TNS1: variants seen among roughly 807,000 people sequenced by gnomAD.
The protein encoded by TNS1 is tensin-1.
A neutral mutation model predicts 168.6 loss-of-function variants in TNS1; 62 were observed. The ratio of observed to expected loss-of-function variants is 0.37; its 90% CI spans 0.30 to 0.45. The LOEUF (loss-of-function observed/expected upper bound fraction) is 0.45. Ranked by LOEUF, TNS1 falls within the 20% of genes least tolerant of loss-of-function variation. The probability of loss-of-function intolerance (pLI) is 1.00; values close to 1 mark genes in which losing one functional copy is unlikely to be tolerated. For missense variants in TNS1, 2,240 were observed against 2,339.4 expected (o/e 0.96, Z 0.88); for synonymous variants, 934 against 933.2 (o/e 1.00, Z -0.02).
chr2:217,921,048 G>A (rs916556113), intron 3 of TNS1, among the ~76,000 whole-genome samples: 1 of 151,872 alleles, frequency 6.6e-6, no homozygotes, highest in African/African-American at 2.4e-5. Flanking sequence ...AGAGTAGAGG[G>A]GAGGGAGGGA....
chr2:218,012,653 C>G (rs535660369), upstream of TNS1, among the ~76,000 whole-genome samples: 1 of 152,234 alleles, frequency 6.6e-6, no homozygotes, highest in African/African-American at 2.4e-5. Context: ...CCCCCCATAC[C>G]CCATATAGCT....
At chr2:217,966,003 T>G (rs1466302444) in intron 3 of TNS1, among the ~76,000 whole-genome samples, 5 of 151,964 alleles carry the variant, frequency 3.3e-5, no homozygotes, top group South Asian at 4.2e-4. Context: ...CCCCAGGACT[T>G]TCCTCTCCTC....
In TNS1 at chr2:217,817,149, T is replaced by C. The variant is rs556874232; in HGVS notation, c.4642+541A>G. Among the ~76,000 whole-genome samples the C allele has an allele frequency of 1.1e-3, 164 of 152,220 alleles. 1 individual carries two copies. Among genetic ancestry groups the C allele is most frequent in the African/African-American group, 3.8e-3 (158 of 41,530 alleles). ...GTCATGCTAAATATGACCCCCAAGA[T>C]ATGGACACATGATAAAGACAACTCC... is the stretch of plus-strand genomic sequence containing the variant. On this transcript the variant is annotated intron_variant, in intron 24 of 32. Transcript: ENST00000682258.
intron 3 of TNS1, among the ~76,000 whole-genome samples, chr2:217,965,042 T>A (rs1168285505): frequency 1.3e-5 from 2 of 152,092 alleles, no homozygotes; most frequent in Admixed American, 1.3e-4. Flanking sequence ...GGGAGGGGAA[T>A]ACACAGGGCC....
In TNS1 at chr2:217,948,027, T is replaced by C. The variant is rs1297403283; in HGVS notation, c.187-27791A>G. ...GCTAATGAAAGAGATAGAATTTCAA[T>C]GCAGCTCTTCCAACTCAAGCCCATG... On this transcript the variant is annotated intron_variant, in intron 3 of 32. Transcript: ENST00000682258. This position sits in a 1 kb window ranked among gnomAD's most constrained non-coding sequence, Gnocchi z 4.1. 6.6e-6 allele frequency among the ~76,000 whole-genome samples: 1 copy of C among 152,150 alleles called. No homozygotes were observed. The highest frequency in any genetic ancestry group is 1.5e-5 in the Non-Finnish European group (1 of 68,022).
intron 3 of TNS1, among the ~76,000 whole-genome samples, chr2:217,961,258 C>CAGAGAA (rs746086984): frequency 7.2e-6 from 1 of 139,822 alleles, no homozygotes. Context: ...CACACACACA[C>CAGAGAA]ACAGAGAGAG....
At chr2:217,910,449 T>G (rs778386398) in intron 4 of TNS1, among the ~76,000 whole-genome samples, 33 of 151,778 alleles carry the variant, frequency 2.2e-4, no homozygotes, top group Non-Finnish European at 1.6e-4. Flanking sequence ...AGGATTCAAG[T>G]CCTATCTCTC....
intron 3 of TNS1, among the ~76,000 whole-genome samples, chr2:217,949,108 T>C (rs754285314): frequency 2.0e-5 from 3 of 152,162 alleles, no homozygotes; most frequent in Non-Finnish European, 4.4e-5. Context: ...AGCCTCAGAC[T>C]AGGAGTCAAG....
At chr2:217,828,527 G>C (rs1177572661) in intron 22 of TNS1, among the ~76,000 whole-genome samples, 1 of 152,202 alleles carries the variant, frequency 6.6e-6, no homozygotes, top group East Asian at 1.9e-4. Flanking sequence ...TCTTCCTGAG[G>C]GGGGGATGCC....
rs560789734 is a variant in TNS1, at chr2:217,923,456, C to T, written c.187-3220G>A. Among the ~76,000 whole-genome samples, 6 of 152,346 alleles carry T rather than the reference C, an allele frequency of 3.9e-5. No homozygotes were observed. In the East Asian group the frequency reaches 5.8e-4, roughly 15 times the overall value. Reference sequence around the variant, plus strand: ...ATTTAATTCACGTAACAATGCTGAGCGTTGTCATTATTATCCCCATTTTGT... The same window carrying T: ...ATTTAATTCACGTAACAATGCTGAGTGTTGTCATTATTATCCCCATTTTGT... On this transcript the variant is annotated intron_variant, in intron 3 of 32. Transcript: ENST00000682258.
upstream of TNS1, among the ~76,000 whole-genome samples, chr2:218,014,675 G>A (rs1958740071): frequency 6.6e-6 from 1 of 152,114 alleles, no homozygotes; most frequent in South Asian, 2.1e-4. Flanking sequence ...TTTCTTCCTA[G>A]CACTTAGAAC....
intron 6 of TNS1, 54 bp downstream of exon 6, chr2:217,906,281 T>TTC: frequency 3.4e-6 from 2 of 590,784 alleles, no homozygotes; most frequent in Non-Finnish European, 6.3e-6. Context: ...CCCACCCCAT[T>TTC]CCCCCTGGCC....
At position 217,874,023 on chromosome 2, in the gene TNS1, A is replaced by AACACACAC. The variant is rs3838561; in HGVS notation, c.1429+6867_1429+6874dup. 2.5e-3 allele frequency among the ~76,000 whole-genome samples: 282 copies of AACACACAC among 111,538 alleles called. 1 individual carries two copies. Among genetic ancestry groups the AACACACAC allele is most frequent in the African/African-American group, 9.4e-3 (264 of 27,958 alleles). The allele number at this position is 111,538 out of a possible 152,430, so 73.2% of individuals were successfully genotyped here. On this transcript the variant is annotated intron_variant, in intron 18 of 32. Transcript: ENST00000682258. Reference sequence around the variant, plus strand: ...CCACCACCACCCCCGCCCCCCAACCAACACACACACACACACACACACACA... The same window carrying AACACACAC: ...CCACCACCACCCCCGCCCCCCAACCAACACACACACACACACACACACACACACACACA...
At chr2:217,824,485 C>T (rs536794885) in intron 22 of TNS1, among the ~76,000 whole-genome samples, 75 of 152,174 alleles carry the variant, frequency 4.9e-4, no homozygotes, top group Non-Finnish European at 8.5e-4. Flanking sequence ...AAGTAGGATT[C>T]GGGGGATGTA....
intron 3 of TNS1, among the ~76,000 whole-genome samples, chr2:217,932,648 A>G (rs980998157): frequency 1.3e-5 from 2 of 152,192 alleles, no homozygotes; most frequent in Non-Finnish European, 2.9e-5. Flanking sequence ...CCCATTTTAC[A>G]GAAGAAGAAA....
intron 31 of TNS1, 147 bp downstream of exon 31, chr2:217,808,456 A>T (rs931125323): frequency 2.4e-6 from 2 of 825,336 alleles, no homozygotes; most frequent in Non-Finnish European, 4.0e-6. Context: ...GCCCAACACG[A>T]TTACTCACAC....
intron 23 of TNS1, among the ~76,000 whole-genome samples, chr2:217,821,294 G>T (rs1221066013): frequency 6.6e-6 from 1 of 152,176 alleles, no homozygotes; most frequent in Non-Finnish European, 1.5e-5. Flanking sequence ...TTATGCCTCA[G>T]GTTCCTCTTC....
intron 3 of TNS1, among the ~76,000 whole-genome samples, chr2:217,956,702 G>A (rs1957372086): frequency 6.6e-6 from 1 of 152,146 alleles, no homozygotes; most frequent in South Asian, 2.1e-4. Context: ...GTCCCTCTGG[G>A]CAGCTCAGTC....
chr2:217,867,966 A>G (rs539108113), intron 18 of TNS1, among the ~76,000 whole-genome samples: 180 of 152,256 alleles, frequency 1.2e-3, no homozygotes, highest in African/African-American at 4.2e-3. Flanking sequence ...TCAGTTATTT[A>G]TTATGGTTGT....
Sources: gnomAD v4.1 joint callset for allele counts (sites outside exome capture counted in the v4.1 genomes callset) on GRCh38, gnomAD v4.1.1 for gene constraint, Gnocchi (gnomAD v3.1) non-coding constraint, MANE v1.5 for transcripts, NCBI Gene and HGNC (gene_info 2026-07-23, HGNC 2026-07-21) for gene names.